Variants in THOC1 observed in about 807,000 individuals in gnomAD.
THOC1 encodes THO complex 1.
Under a neutral mutation model 97.3 loss-of-function variants are expected in THOC1, and 29 were observed. The observed-to-expected ratio is 0.30, with a 90% CI of 0.22 to 0.41. The LOEUF is 0.41. Among genes scored for constraint, THOC1 ranks in the 10% least tolerant of loss-of-function variants. The pLI is 1.00. For synonymous variants in THOC1, 255 were observed against 257.0 expected (o/e 0.99, Z 0.07); for missense variants, 529 against 761.9 (o/e 0.69, Z 3.60).
At chr18:260,160 G>A (rs749750432) in intron 5 of THOC1, 26 bp downstream of exon 5, 1 of 1,385,812 alleles carries the variant, frequency 7.2e-7, no homozygotes. Flanking sequence ...GATAAAGTTA[G>A]CAGGAAAAGA....
intron 11 of THOC1, among the ~76,000 whole-genome samples, chr18:236,413 T>G (rs893397068): frequency 2.8e-5 from 4 of 141,132 alleles, no homozygotes; most frequent in African/African-American, 5.3e-5. Context: ...GGGAGTGCAG[T>G]GGCGCGATCT....
intron 4 of THOC1, among the ~76,000 whole-genome samples, chr18:262,942 G>A (rs1912649007): frequency 6.6e-6 from 1 of 152,092 alleles, no homozygotes; most frequent in South Asian, 2.1e-4. Context: ...TATTTAACGA[G>A]CTCCTATTTT....
chr18:228,666 T>G (rs1911380368), intron 11 of THOC1, among the ~76,000 whole-genome samples: 1 of 152,174 alleles, frequency 6.6e-6, no homozygotes, highest in African/African-American at 2.4e-5. Context: ...TCAACACACT[T>G]GTCCCATATT....
At chr18:264,191 G>T (rs1912693298) in intron 3 of THOC1, 99 bp from the exon 4 acceptor site, 2 of 742,182 alleles carry the variant, frequency 2.7e-6, no homozygotes. Flanking sequence ...TTGACTATCA[G>T]AAATATGGAA....
At chr18:244,541 T>C (rs1043712725) in intron 11 of THOC1, 3 of 152,228 alleles carry the variant, frequency 2.0e-5, no homozygotes, top group Non-Finnish European at 4.4e-5. Flanking sequence ...CTGGTATTAA[T>C]GGTTGATATG....
intron 16 of THOC1, 79 bp downstream of exon 16, chr18:224,005 G>T: frequency 2.9e-6 from 3 of 1,030,274 alleles, no homozygotes; most frequent in Non-Finnish European, 4.4e-6. Context: ...ACTATATTTT[G>T]GATGGAGAGT....
At chr18:259,442 C>A (rs966324690) in intron 6 of THOC1, among the ~76,000 whole-genome samples, 167 bp from the exon 7 acceptor site, 1 of 152,010 alleles carries the variant, frequency 6.6e-6, no homozygotes, top group Non-Finnish European at 1.5e-5. Flanking sequence ...AAATTAGGAA[C>A]AAAACAAGTT....
At position 224,255 on chromosome 18, in the gene THOC1, G is replaced by T. The variant is rs982090120; in HGVS notation, c.1209-76C>A. On this transcript the variant is annotated intron_variant, in intron 15 of 20. Coordinates refer to ENST00000261600, the MANE Select transcript of THOC1 (RefSeq NM_005131.3). Reference sequence around the variant, plus strand: ...AAATAGAAGAATGTTTAACGTAAAAGAAAATTTAGTTATTGTTTTCCTCTT... The same window carrying T: ...AAATAGAAGAATGTTTAACGTAAAATAAAATTTAGTTATTGTTTTCCTCTT... 10 of 1,148,332 alleles carry T rather than the reference G, an allele frequency of 8.7e-6. No individual in the cohort carries two copies. The Admixed American group carries it at 1.9e-4, about 22-fold the overall frequency. The allele number at this position is 1,148,332 out of a possible 1,614,324, so 71.1% of individuals were successfully genotyped here. A position where few individuals can be genotyped will look rare whatever the true frequency, so the allele number is the denominator to read the frequency against.
Position 237,157 on chromosome 18 carries a change from ATTT to A in THOC1, c.918+9164_918+9166del, listed in dbSNP as rs763933161. The stretch of plus-strand genomic sequence containing the variant: ...AAGTACTAAATCTCTCATGTACTGG[ATTT>A]TTTTTTTTTTTTTTTTTGAGACAGA... On this transcript the variant is annotated intron_variant, in intron 11 of 20. Transcript: ENST00000261600. Among the ~76,000 whole-genome samples the A allele has an allele frequency of 1.5e-3, 184 of 126,286 alleles. 1 individual carries two copies. Among genetic ancestry groups the A allele is most frequent in the Non-Finnish European group, 2.2e-3 (133 of 60,308 alleles). The allele number at this position is 126,286 out of a possible 152,430, so 82.8% of individuals were successfully genotyped here.
At chr18:232,571 T>C (rs1281798018) in intron 11 of THOC1, among the ~76,000 whole-genome samples, 1 of 151,832 alleles carries the variant, frequency 6.6e-6, no homozygotes, top group Non-Finnish European at 1.5e-5. Context: ...TTACAAACAA[T>C]GGTACAGTGA....
At chr18:230,407 A>C (rs1911444255) in intron 11 of THOC1, among the ~76,000 whole-genome samples, 1 of 152,228 alleles carries the variant, frequency 6.6e-6, no homozygotes, top group Non-Finnish European at 1.5e-5. Flanking sequence ...GGTGATGCTT[A>C]CTAGCTGTTC....
At chr18:241,202 C>T (rs1006040629) in intron 11 of THOC1, among the ~76,000 whole-genome samples, 1 of 152,078 alleles carries the variant, frequency 6.6e-6, no homozygotes, top group Non-Finnish European at 1.5e-5. Flanking sequence ...TTAGCCTGCC[C>T]ACTTGTTAAC....
chr18:244,675 T>C (rs1912027916), intron 11 of THOC1: 1 of 152,198 alleles, frequency 6.6e-6, no homozygotes, highest in Non-Finnish European at 1.5e-5. Context: ...GAAGAGTAGA[T>C]TTATCTTTCT....
intron 7 of THOC1, among the ~76,000 whole-genome samples, chr18:256,543 C>T (rs759444995): frequency 3.9e-5 from 6 of 152,142 alleles, no homozygotes; most frequent in African/African-American, 9.7e-5. Flanking sequence ...AGTGGTTTCT[C>T]GAGATGAATT....
intron 4 of THOC1, among the ~76,000 whole-genome samples, chr18:261,681 A>G (rs916341897): frequency 6.6e-6 from 1 of 152,220 alleles, no homozygotes; most frequent in African/African-American, 2.4e-5. Flanking sequence ...CTTAGATTCA[A>G]TGATATTATA....
At chr18:266,308 T>C (rs555626110) in intron 1 of THOC1, among the ~76,000 whole-genome samples, 114 of 152,342 alleles carry the variant, frequency 7.5e-4, no homozygotes, top group African/African-American at 2.7e-3. Context: ...ATTTGGGGCC[T>C]GTTCCTTTAT....
At chr18:248,802 G>A (rs745562312) in intron 9 of THOC1, among the ~76,000 whole-genome samples, 72 of 151,842 alleles carry the variant, frequency 4.7e-4, no homozygotes, top group Non-Finnish European at 8.4e-4. Context: ...CCAGACTGGA[G>A]GGCAGTGGTG....
At chr18:222,680 G>C (rs1385471951) in intron 17 of THOC1, among the ~76,000 whole-genome samples, 3 of 151,746 alleles carry the variant, frequency 2.0e-5, no homozygotes, top group Non-Finnish European at 2.9e-5. Flanking sequence ...AGAAATAATA[G>C]AGAATGTGAA....
chr18:239,058 T>C (rs1054785402), intron 11 of THOC1, among the ~76,000 whole-genome samples: 5 of 152,190 alleles, frequency 3.3e-5, no homozygotes, highest in African/African-American at 1.2e-4. Flanking sequence ...TAACTCAGGA[T>C]TATTTACACA....
Sources: gnomAD v4.1 joint callset for allele counts (sites outside exome capture counted in the v4.1 genomes callset) on GRCh38, gnomAD v4.1.1 for gene constraint, MANE v1.5 for transcripts, NCBI Gene and HGNC (gene_info 2026-07-23, HGNC 2026-07-21) for gene names.